Variants in AKIRIN2 observed in about 807,000 individuals in gnomAD.
AKIRIN2 encodes the protein akirin 2.
A neutral mutation model predicts 29.3 loss-of-function variants in AKIRIN2; 6 were observed. The observed-to-expected ratio is 0.20, with a 90% CI of 0.11 to 0.40. The LOEUF (loss-of-function observed/expected upper bound fraction) is 0.40. Among genes scored for constraint, AKIRIN2 ranks in the 10% least tolerant of loss-of-function variants. The pLI is 1.00. For synonymous variants in AKIRIN2, 128 were observed against 117.5 expected, an observed-to-expected ratio of 1.09 and a Z score of -0.58; for missense variants, 210 against 276.1, an observed-to-expected ratio of 0.76 and a Z score of 1.70.
At chr6:87,701,392 C>G in intron 1 of AKIRIN2, 58 bp downstream of exon 1, 1 of 1,515,326 alleles carries the variant, frequency 6.6e-7, no homozygotes, top group Non-Finnish European at 8.8e-7. Context: ...TCCCACACCC[C>G]AGGACCCCTG....
chr6:87,695,327 T>A (rs908460602), intron 1 of AKIRIN2, among the ~76,000 whole-genome samples: 15 of 150,080 alleles, frequency 1.0e-4, no homozygotes, highest in Non-Finnish European at 1.6e-4. Context: ...TTACACATTA[T>A]GACAATGTCA....
intron 1 of AKIRIN2, among the ~76,000 whole-genome samples, chr6:87,687,958 A>G (rs1224500976): frequency 1.3e-5 from 2 of 152,162 alleles, no homozygotes; most frequent in African/African-American, 2.4e-5. Context: ...TGAAAACTCT[A>G]TCTCCACCAA....
intron 1 of AKIRIN2, among the ~76,000 whole-genome samples, chr6:87,695,432 A>G (rs1562400796): frequency 6.6e-6 from 1 of 152,236 alleles, no homozygotes; most frequent in Non-Finnish European, 1.5e-5. Flanking sequence ...AACCTTGGGA[A>G]ATGTCAAGAC....
intron 1 of AKIRIN2, among the ~76,000 whole-genome samples, chr6:87,684,231 G>A (rs1771155712): frequency 6.6e-6 from 1 of 152,088 alleles, no homozygotes; most frequent in South Asian, 2.1e-4. Flanking sequence ...AAGAATGCTT[G>A]TATAATAACA....
At chr6:87,684,314 A>T (rs1771157758) in intron 1 of AKIRIN2, among the ~76,000 whole-genome samples, 1 of 152,188 alleles carries the variant, frequency 6.6e-6, no homozygotes, top group African/African-American at 2.4e-5. Flanking sequence ...ACTTTTAAAA[A>T]TTTTATCTTT....
chr6:87,698,960 C>G (rs1297179943), intron 1 of AKIRIN2, among the ~76,000 whole-genome samples: 1 of 151,960 alleles, frequency 6.6e-6, no homozygotes, highest in Non-Finnish European at 1.5e-5. Flanking sequence ...TATACATGCT[C>G]TGAAAAAAAG....
intron 1 of AKIRIN2, among the ~76,000 whole-genome samples, chr6:87,691,954 T>G (rs1218966250): frequency 6.6e-6 from 1 of 152,206 alleles, no homozygotes; most frequent in Non-Finnish European, 1.5e-5. Context: ...TTCTTTTACT[T>G]TCTCATGGAA....
intron 1 of AKIRIN2, among the ~76,000 whole-genome samples, chr6:87,692,108 T>C (rs1771285953): frequency 6.6e-6 from 1 of 152,230 alleles, no homozygotes; most frequent in African/African-American, 2.4e-5. Flanking sequence ...TCCTCGATGA[T>C]ACTAGAACAG....
At chr6:87,696,520 T>G (rs1771368368) in intron 1 of AKIRIN2, among the ~76,000 whole-genome samples, 1 of 150,970 alleles carries the variant, frequency 6.6e-6, no homozygotes, top group African/African-American at 2.4e-5. Flanking sequence ...GCTAATACGG[T>G]GAAACCCCAT....
intron 1 of AKIRIN2, 136 bp from the exon 2 acceptor site, chr6:87,681,899 G>C: frequency 2.7e-6 from 2 of 749,186 alleles, no homozygotes; most frequent in South Asian, 4.2e-5. Flanking sequence ...TGACATTTTG[G>C]TAGGAACTCA....
chr6:87,702,222 T>G lies in AKIRIN2; in HGVS notation c.-538A>C. On this transcript the variant is annotated 5_prime_UTR_variant, in exon 1 of 5. Coordinates refer to ENST00000257787, the MANE Select transcript of AKIRIN2 (RefSeq NM_018064.4). ...AACACGTCCAACCGCTTCCCCTCCC[T>G]CGTAGAACTCTCCCACCCGCCGCCG... 1 of 397,280 alleles carries G rather than the reference T, an allele frequency of 2.5e-6. No individual in the cohort carries two copies. The highest frequency in any genetic ancestry group is 4.4e-6 in the Non-Finnish European group (1 of 225,626). 24.6% of individuals were successfully genotyped at this position (397,280 alleles called of 1,614,324 possible).
chr6:87,680,115 G>A (rs1396782756), intron 2 of AKIRIN2, among the ~76,000 whole-genome samples: 1 of 152,138 alleles, frequency 6.6e-6, no homozygotes, highest in Non-Finnish European at 1.5e-5. Flanking sequence ...AGTAAAGTGA[G>A]TAAGGAAATA....
intron 1 of AKIRIN2, among the ~76,000 whole-genome samples, chr6:87,690,009 G>C (rs1771253622): frequency 6.6e-6 from 1 of 152,010 alleles, no homozygotes; most frequent in Admixed American, 6.6e-5. Flanking sequence ...TCAGGAGTTG[G>C]AGGCCAGCCT....
rs567936219 is a variant in AKIRIN2, at chr6:87,687,340, C to A, written c.236-5577G>T. 2.0e-5 allele frequency among the ~76,000 whole-genome samples: 3 copies of A among 149,698 alleles called. No individual in the cohort carries two copies. In the South Asian group the frequency reaches 6.4e-4, roughly 32 times the overall value. ...GGCAGATCACCTGAGGTTGGGAGTT[C>A]GAGACCAGCCTGACCAACTCCAAGA... is the stretch of plus-strand genomic sequence containing the variant. On this transcript the variant is annotated intron_variant, in intron 1 of 4. Coordinates refer to ENST00000257787, the MANE Select transcript of AKIRIN2 (RefSeq NM_018064.4).
In AKIRIN2 at chr6:87,675,861, G is replaced by A. The variant is rs63749091; in HGVS notation, c.600C>T (p.Ser200=). The change falls in exon 4 of 5, where the codon AGC becomes AGT. Residue 200 remains serine (S), a splice_region_variant and synonymous_variant. Transcript: ENST00000257787. ...IMRRYGEQPA[S]YVS ...TAACTTCAAAGGTGAAATACTTACA[G>A]CTAGCAGGCTGTTCTCCATATCGTC... The A allele has an allele frequency of 5.7e-3, 9,248 of 1,612,872 alleles. 477 individuals are homozygous for A. In the African/African-American group the frequency reaches 0.11, roughly 19 times the overall value.
At chr6:87,688,061 GT>G (rs1157585068) in intron 1 of AKIRIN2, among the ~76,000 whole-genome samples, 10 of 152,116 alleles carry the variant, frequency 6.6e-5, no homozygotes, top group African/African-American at 1.9e-4. Context: ...GATCCCAGGA[GT>G]GCCAGGCTAC....
chr6:87,689,318 A>G (rs1466693512), intron 1 of AKIRIN2, among the ~76,000 whole-genome samples: 1 of 152,174 alleles, frequency 6.6e-6, no homozygotes, highest in Non-Finnish European at 1.5e-5. Flanking sequence ...CCTGGCCAAC[A>G]TGGCAAAACC....
intron 4 of AKIRIN2, 62 bp downstream of exon 4, chr6:87,675,798 A>T: frequency 6.7e-7 from 1 of 1,501,972 alleles, no homozygotes. Flanking sequence ...AATAATTATA[A>T]TGTCTTCTCC....
chr6:87,693,680 G>T (rs1243554426), intron 1 of AKIRIN2, among the ~76,000 whole-genome samples: 1 of 148,976 alleles, frequency 6.7e-6, no homozygotes, highest in Non-Finnish European at 1.5e-5. Flanking sequence ...AGCTGAGATT[G>T]CGCCACTGCA....
Sources: gnomAD v4.1 joint callset for allele counts (sites outside exome capture counted in the v4.1 genomes callset) on GRCh38, gnomAD v4.1.1 for gene constraint, MANE v1.5 for transcripts, NCBI Gene and HGNC (gene_info 2026-07-23, HGNC 2026-07-21) for gene names.